SLC6A6: variants seen among roughly 807,000 people sequenced by gnomAD.
SLC6A6 encodes the protein solute carrier family 6 member 6.
In SLC6A6, 16 loss-of-function variants were observed where a neutral mutation model predicts 68.8. The observed-to-expected ratio is 0.23, with a 90% CI of 0.16 to 0.35. The LOEUF (loss-of-function observed/expected upper bound fraction) is 0.35. Ranked by LOEUF, SLC6A6 falls within the 10% of genes least tolerant of loss-of-function variation. The pLI is 1.00. For missense variants in SLC6A6, 474 were observed against 802.8 expected, an observed-to-expected ratio of 0.59 and a Z score of 4.95; for synonymous variants, 312 against 315.4, an observed-to-expected ratio of 0.99 and a Z score of 0.12.
chr3:14,425,924 T>G (rs2341968), intron 2 of SLC6A6, among the ~76,000 whole-genome samples: 1 of 149,378 alleles, frequency 6.7e-6, no homozygotes, highest in African/African-American at 2.5e-5. Flanking sequence ...CAGGTATGCA[T>G]GACTCTCACC....
At chr3:14,453,431 G>C (rs575771552) in intron 5 of SLC6A6, among the ~76,000 whole-genome samples, 1 of 152,370 alleles carries the variant, frequency 6.6e-6, no homozygotes, top group Admixed American at 6.5e-5. Flanking sequence ...GCTGGCCCCA[G>C]GGTGGCATCA....
rs146103522 is a variant in SLC6A6 at position 14,487,402 on chromosome 3, G to T, written c.*2395G>T. 5.2e-5 allele frequency: 8 copies of T among 152,498 alleles called. No individual in the cohort carries two copies. The highest frequency in any genetic ancestry group is 1.9e-4 in the African/African-American group (8 of 41,434). The allele number at this position is 152,498 out of a possible 1,614,324, so 9.4% of individuals were successfully genotyped here. On this transcript the variant is annotated 3_prime_UTR_variant, in exon 15 of 15. Transcript: ENST00000622186. ...CTCTGTGTGCAGAGCATAGCTCTGC[G>T]AGTACCTGTGTAATAATGCTCAACC...
rs138939948 is a variant in SLC6A6, at chr3:14,480,938, G to T, written c.1552-733G>T. Reference sequence around the variant, plus strand: ...GACCCAGGGCTGGGCTGTGGACACCGAACAGGGCAAGGCTCAGGTGCCCAG... The same window carrying T: ...GACCCAGGGCTGGGCTGTGGACACCTAACAGGGCAAGGCTCAGGTGCCCAG... On this transcript the variant is annotated intron_variant, in intron 13 of 14. Coordinates refer to ENST00000622186, the MANE Select transcript of SLC6A6 (RefSeq NM_003043.6). Among the ~76,000 whole-genome samples, 742 of 152,320 alleles carry T rather than the reference G, an allele frequency of 4.9e-3. 5 individuals carry two copies. Among genetic ancestry groups the T allele is most frequent in the African/African-American group, 0.016 (657 of 41,576 alleles).
rs1699364376 is a variant in SLC6A6 at position 14,416,418 on chromosome 3, A to G, written c.-47A>G. The stretch of plus-strand genomic sequence containing the variant: ...CTTCCTCTCTTTGCAATAGATCCAG[A>G]ACCAGAACCACAGCCCTTCTGAGGA... On this transcript the variant is annotated 5_prime_UTR_variant, in exon 2 of 15. Coordinates refer to ENST00000622186, the MANE Select transcript of SLC6A6 (RefSeq NM_003043.6). The G allele has an allele frequency of 2.5e-6, 1 of 398,598 alleles. No homozygotes were observed. Among genetic ancestry groups the G allele is most frequent in the African/African-American group, 2.1e-5 (1 of 48,616 alleles). The allele number at this position is 398,598 out of a possible 1,614,324, so 24.7% of individuals were successfully genotyped here.
At chr3:14,465,839 CT>C (rs1700603807) in intron 6 of SLC6A6, among the ~76,000 whole-genome samples, 1 of 152,260 alleles carries the variant, frequency 6.6e-6, no homozygotes, top group Non-Finnish European at 1.5e-5. Flanking sequence ...CTTTTTCCAC[CT>C]CTACGCCCTG....
intron 1 of SLC6A6, chr3:14,411,257 C>A (rs1699246697): frequency 1.3e-5 from 2 of 152,314 alleles, no homozygotes; most frequent in Non-Finnish European, 2.9e-5. Context: ...TCACCTACCA[C>A]AACTTCTTTC....
In SLC6A6 at chr3:14,478,428, G is replaced by GCTCTTT. The variant is rs1700932135; in HGVS notation, c.1348-38_1348-37insCTCTTT. 6.2e-6 allele frequency: 8 copies of GCTCTTT among 1,286,504 alleles called. No homozygotes were observed. The East Asian group carries it at 1.8e-4, about 30-fold the overall frequency. 79.7% of individuals were successfully genotyped at this position (1,286,504 alleles called of 1,614,324 possible). The stretch of plus-strand genomic sequence containing the variant: ...TGTATATGAAAGAAATTGGAGACCA[G>GCTCTTT]GTAGGAAATCGACCTTCTGTGGTTT... On this transcript the variant is annotated intron_variant, in intron 11 of 14. Transcript: ENST00000622186.
intron 2 of SLC6A6, among the ~76,000 whole-genome samples, chr3:14,442,867 G>A (rs978469188): frequency 6.6e-6 from 1 of 152,242 alleles, no homozygotes; most frequent in Non-Finnish European, 1.5e-5. Context: ...GCAAGCCAGA[G>A]GATGGTTAGA....
At position 14,481,342 on chromosome 3, in the gene SLC6A6, G is replaced by A. The variant is rs892079763; in HGVS notation, c.1552-329G>A. ...GGAGCTAGAAGGAATTCTTCAGGGTGGCTGGAGTGTGGACACGGAGGGAGA... is the reference window on the plus strand; with the variant it reads ...GGAGCTAGAAGGAATTCTTCAGGGTAGCTGGAGTGTGGACACGGAGGGAGA... On this transcript the variant is annotated intron_variant, in intron 13 of 14. Coordinates refer to ENST00000622186, the MANE Select transcript of SLC6A6 (RefSeq NM_003043.6). The surrounding 1 kb of genome is among the most constrained non-coding windows in gnomAD (Gnocchi z 4.7). 1.3e-5 allele frequency among the ~76,000 whole-genome samples: 2 copies of A among 152,152 alleles called. No individual in the cohort carries two copies. Among genetic ancestry groups the A allele is most frequent in the African/African-American group, 4.8e-5 (2 of 41,422 alleles).
chr3:14,419,291 A>G (rs1325907487), intron 2 of SLC6A6, among the ~76,000 whole-genome samples: 1 of 152,256 alleles, frequency 6.6e-6, no homozygotes, highest in Non-Finnish European at 1.5e-5. Flanking sequence ...AACAGGGTGG[A>G]AGAACAGACC....
intron 3 of SLC6A6, chr3:14,444,740 C>G (rs1374026620): frequency 2.2e-6 from 1 of 456,596 alleles, no homozygotes. Flanking sequence ...TTTTGTAGGT[C>G]TCAGGCCCCT....
chr3:14,411,986 C>T (rs1187180202), intron 1 of SLC6A6, among the ~76,000 whole-genome samples: 1 of 152,234 alleles, frequency 6.6e-6, no homozygotes, highest in Non-Finnish European at 1.5e-5. Flanking sequence ...GCTTAGAATA[C>T]CCCTGTCCTC....
chr3:14,485,916 T>TG lies in SLC6A6; in HGVS notation c.*913dup, dbSNP rs964649820. ...AGGCACAGGAGGCCACAGTCCTTCC[T>TG]GGGGCATTCCAGGCAGAGAAGGAGC... On this transcript the variant is annotated 3_prime_UTR_variant, in exon 15 of 15. Coordinates refer to ENST00000622186, the MANE Select transcript of SLC6A6 (RefSeq NM_003043.6). 2 of 152,636 alleles carry TG rather than the reference T, an allele frequency of 1.3e-5. No individual in the cohort carries two copies. The highest frequency in any genetic ancestry group is 4.8e-5 in the African/African-American group (2 of 41,432). The allele number at this position is 152,636 out of a possible 1,614,324, so 9.5% of individuals were successfully genotyped here.
intron 4 of SLC6A6, among the ~76,000 whole-genome samples, chr3:14,446,618 G>A (rs1700127011): frequency 7.2e-6 from 1 of 138,756 alleles, no homozygotes; most frequent in Admixed American, 7.7e-5. Context: ...TTCAGGTTCA[G>A]GAGGCTTTCT....
At position 14,445,434 on chromosome 3, in the gene SLC6A6, AAAAGAAAAAAAG is replaced by A. The variant is rs1373925832; in HGVS notation, c.230-275_230-264del. 8.0e-5 allele frequency among the ~76,000 whole-genome samples: 10 copies of A among 125,340 alleles called. No homozygotes were observed. The East Asian group carries it at 8.8e-4, about 11-fold the overall frequency. 82.2% of individuals were successfully genotyped at this position (125,340 alleles called of 152,430 possible). On this transcript the variant is annotated intron_variant, in intron 3 of 14. Transcript: ENST00000622186. ...AGACTCCACCTCAAAAGAAAAAAAA[AAAAGAAAAAAAG>A]AAAGAAAGAAAGAAAGAAAAAAAAG...
chr3:14,417,652 A>C (rs184057619), intron 2 of SLC6A6, among the ~76,000 whole-genome samples: 1 of 151,926 alleles, frequency 6.6e-6, no homozygotes, highest in East Asian at 1.9e-4. Context: ...GAATGGCGTG[A>C]ACCCGGGGGA....
At chr3:14,455,980 CT>C (rs1222119042) in intron 5 of SLC6A6, among the ~76,000 whole-genome samples, 2 of 152,234 alleles carry the variant, frequency 1.3e-5, no homozygotes, top group Non-Finnish European at 2.9e-5. Context: ...TCTGTTTTCT[CT>C]TAAAACCAGA....
intron 6 of SLC6A6, 25 bp from the exon 7 acceptor site, chr3:14,466,488 GCCT>G: frequency 6.3e-7 from 1 of 1,593,614 alleles, no homozygotes; most frequent in South Asian, 1.1e-5. Flanking sequence ...GATGCCCATG[GCCT>G]CCTGAATCCC....
intron 2 of SLC6A6, among the ~76,000 whole-genome samples, chr3:14,442,044 G>A (rs1248434394): frequency 2.6e-5 from 4 of 152,230 alleles, no homozygotes; most frequent in Non-Finnish European, 5.9e-5. Context: ...AAACTCAGAT[G>A]CCCACTGGAG....
Sources: allele counts gnomAD v4.1 joint callset (sites outside exome capture counted in the v4.1 genomes callset), GRCh38; gene constraint gnomAD v4.1.1; non-coding constraint Gnocchi (gnomAD v3.1); transcripts MANE v1.5; gene names NCBI Gene and HGNC (gene_info 2026-07-23, HGNC 2026-07-21).